Variants in CACNA1E observed in about 807,000 individuals in gnomAD.
CACNA1E encodes the protein calcium voltage-gated channel subunit alpha1 E, also known as voltage-dependent R-type calcium channel subunit alpha-1E.
CACNA1E carries 40 observed loss-of-function variants against 259.2 expected under a neutral mutation model. The observed-to-expected ratio is 0.15, with a 90% CI of 0.12 to 0.20. The LOEUF (loss-of-function observed/expected upper bound fraction) is 0.20, where lower values mean the gene tolerates loss of function less well. Ranked by LOEUF, CACNA1E falls within the 10% of genes least tolerant of loss-of-function variation. The pLI is 1.00. For synonymous variants in CACNA1E, 1,104 were observed against 1,138.5 expected (o/e 0.97, Z 0.61); for missense variants, 1,874 against 3,040.1 (o/e 0.62, Z 9.02).
intron 3 of CACNA1E, among the ~76,000 whole-genome samples, chr1:181,522,859 C>A (rs1572095131): frequency 6.6e-6 from 1 of 152,238 alleles, no homozygotes; most frequent in Middle Eastern, 3.2e-3. Flanking sequence ...TTCTCCTGCC[C>A]ACTTCCATCC....
At chr1:181,545,616 G>A (rs1306649633) in intron 3 of CACNA1E, among the ~76,000 whole-genome samples, 1 of 152,194 alleles carries the variant, frequency 6.6e-6, no homozygotes, top group Non-Finnish European at 1.5e-5. Context: ...CAAGAAGCTG[G>A]AGGATAGAAT....
chr1:181,357,053 T>C (rs1653503437), intron 1 of CACNA1E, among the ~76,000 whole-genome samples: 1 of 152,092 alleles, frequency 6.6e-6, no homozygotes, highest in Non-Finnish European at 1.5e-5. Flanking sequence ...CCTCTTCTCC[T>C]TTTTAGCAGC....
chr1:181,407,187 A>G (rs770049152), intron 1 of CACNA1E, among the ~76,000 whole-genome samples: 11 of 152,270 alleles, frequency 7.2e-5, no homozygotes, highest in Middle Eastern at 6.8e-3. Context: ...TCACCATAAC[A>G]ACATAGGCAC....
At chr1:181,591,867 A>G (rs1652683933) in intron 6 of CACNA1E, among the ~76,000 whole-genome samples, 1 of 152,246 alleles carries the variant, frequency 6.6e-6, no homozygotes, top group Admixed American at 6.5e-5. Context: ...TCTGGCACAT[A>G]GCACTCATGT....
chr1:181,740,751 C>G (rs912822826), intron 25 of CACNA1E, among the ~76,000 whole-genome samples: 1 of 152,174 alleles, frequency 6.6e-6, no homozygotes, highest in Non-Finnish European at 1.5e-5. Context: ...CATGTTAATT[C>G]CATTGTGTGC....
chr1:181,406,978 A>C (rs527597343), intron 1 of CACNA1E, among the ~76,000 whole-genome samples: 1 of 152,208 alleles, frequency 6.6e-6, no homozygotes, highest in Admixed American at 6.5e-5. Context: ...AGGTTGCTTG[A>C]CTAGCAAGTG....
In CACNA1E at chr1:181,378,239, C is replaced by T. The variant is rs530515117; in HGVS notation, c.-14-34894C>T. Among the ~76,000 whole-genome samples, 3 of 152,260 alleles carry T rather than the reference C, an allele frequency of 2.0e-5. No individual in the cohort carries two copies. In the South Asian group the frequency reaches 6.2e-4, roughly 32 times the overall value. On this transcript the variant is annotated intron_variant, in intron 1 of 11. Coordinates refer to the CACNA1E transcript ENST00000524607. ...TCTGGCCAAGATGGAGCAAAAAGGA[C>T]CATATTGAACTTCCCACCTGAAATA...
chr1:181,682,218 C>T (rs901207595), intron 7 of CACNA1E, among the ~76,000 whole-genome samples: 1 of 152,136 alleles, frequency 6.6e-6, no homozygotes, highest in Non-Finnish European at 1.5e-5. Flanking sequence ...ACTGGGACCC[C>T]GTGTGACCAT....
chr1:181,710,915 C>G lies in CACNA1E; in HGVS notation c.1056-39C>G. Reference sequence around the variant, plus strand: ...TTCACTCTTTCCCTTAGTCATGGCCCTGTCCAAACCCAGTGAATCTTATCC... The same window carrying G: ...TTCACTCTTTCCCTTAGTCATGGCCGTGTCCAAACCCAGTGAATCTTATCC... On this transcript the variant is annotated intron_variant, in intron 7 of 47. Transcript: ENST00000367573. 3 of 1,411,362 alleles carry G rather than the reference C, an allele frequency of 2.1e-6. No individual in the cohort carries two copies. In the East Asian group the frequency reaches 6.8e-5, roughly 32 times the overall value. The allele number at this position is 1,411,362 out of a possible 1,614,324, so 87.4% of individuals were successfully genotyped here.
intron 1 of CACNA1E, among the ~76,000 whole-genome samples, chr1:181,506,400 C>A (rs1197430440): frequency 2.0e-5 from 3 of 152,146 alleles, no homozygotes; most frequent in African/African-American, 7.2e-5. Flanking sequence ...TGAGCAGGAG[C>A]CATGGCTCAG....
At chr1:181,504,013 A>G (rs1013039246) in intron 1 of CACNA1E, among the ~76,000 whole-genome samples, 1 of 152,220 alleles carries the variant, frequency 6.6e-6, no homozygotes, top group African/African-American at 2.4e-5. Context: ...CAGACTAGTT[A>G]AGGCTCTTTC....
At chr1:181,348,512 T>C (rs1203887241) in intron 1 of CACNA1E, among the ~76,000 whole-genome samples, 2 of 152,260 alleles carry the variant, frequency 1.3e-5, no homozygotes, top group East Asian at 3.9e-4. Flanking sequence ...GTGATGAGCC[T>C]TGATACAAGC....
At position 181,779,571 on chromosome 1, in the gene CACNA1E, C is replaced by T. The variant is rs767215012; in HGVS notation, c.5268-1856C>T. Reference sequence around the variant, plus strand: ...CTCCCAGTCCCCAGCCATGATCTGCCGTGGGATGCAACATCTAACCCCTCC... The same window carrying T: ...CTCCCAGTCCCCAGCCATGATCTGCTGTGGGATGCAACATCTAACCCCTCC... On this transcript the variant is annotated intron_variant, in intron 38 of 47. Transcript: ENST00000367573. The T allele has an allele frequency of 3.8e-5, 16 of 426,560 alleles. 1 individual carries two copies. The highest frequency in any genetic ancestry group is 1.0e-4 in the South Asian group (6 of 59,122). The allele number at this position is 426,560 out of a possible 1,614,324, so 26.4% of individuals were successfully genotyped here. A position where few individuals can be genotyped will look rare whatever the true frequency, so the allele number is the denominator to read the frequency against.
Position 181,798,639 on chromosome 1 carries a change from G to A in CACNA1E, c.6747G>A (p.Thr2249=), listed in dbSNP as rs775977638. 3.1e-6 allele frequency: 5 copies of A among 1,610,550 alleles called. No homozygotes were observed. The highest frequency in any genetic ancestry group is 4.2e-6 in the Non-Finnish European group (5 of 1,177,794). ...SHASDCGEEE[T]LTFEAAVATS... ...CCTCAGACTGTGGTGAGGAGGAGAC[G>A]CTCACTTTCGAAGCAGCCGTGGCTA... Residue 2249 remains threonine (T), a synonymous_variant, in exon 48 of 48, where the codon ACG becomes ACA. Transcript: ENST00000367573. This position sits in a 1 kb window ranked among gnomAD's most constrained non-coding sequence, Gnocchi z 4.2.
chr1:181,473,338 C>CT (rs142351027), intron 2 of CACNA1E, among the ~76,000 whole-genome samples: 69 of 152,274 alleles, frequency 4.5e-4, no homozygotes, highest in African/African-American at 1.5e-3. Flanking sequence ...TAAAACCATG[C>CT]TAATTATGCA....
chr1:181,733,636 G>C lies in CACNA1E; in HGVS notation c.3148G>C (p.Glu1050Gln). 6.2e-7 allele frequency: 1 copy of C among 1,613,074 alleles called. No individual in the cohort carries two copies. Among genetic ancestry groups the C allele is most frequent in the South Asian group, 1.1e-5 (1 of 90,812 alleles). ...CATGGGCCGGGTCATCAGCCAGAGC[G>C]AGCCTGACCTCTCCTGCATCACGGC... Reference protein sequence around the residue: ...LDMGRVISQSEPDLSCITANT... With the variant: ...LDMGRVISQSQPDLSCITANT... Residue 1050 changes from glutamate to glutamine, a missense_variant, in exon 21 of 48, where the codon GAG (glutamate) becomes CAG (glutamine). Physicochemically the swap from Glu to Gln is conservative, Grantham distance 29. Around this residue, in one of 14 missense-constraint regions of CACNA1E, gnomAD observed 476 missense variants for 514.0 expected, o/e 0.93. Transcript: ENST00000367573.
intron 1 of CACNA1E, among the ~76,000 whole-genome samples, chr1:181,325,633 T>C (rs1469700879): frequency 7.6e-6 from 1 of 132,140 alleles, no homozygotes; most frequent in Non-Finnish European, 1.6e-5. Context: ...CAGAAACTAG[T>C]TTTTTATTTT....
chr1:181,417,323 T>C (rs1419424591), intron 2 of CACNA1E, among the ~76,000 whole-genome samples: 3 of 152,214 alleles, frequency 2.0e-5, no homozygotes, highest in Non-Finnish European at 2.9e-5. Context: ...CTCAAGCTCT[T>C]TCTTCTACCA....
chr1:181,383,541 C>T (rs1655618349), intron 1 of CACNA1E, among the ~76,000 whole-genome samples: 1 of 152,172 alleles, frequency 6.6e-6, no homozygotes, highest in Non-Finnish European at 1.5e-5. Context: ...TGAGCAGGAG[C>T]CTGACCACCA....
Sources: allele counts gnomAD v4.1 joint callset (sites outside exome capture counted in the v4.1 genomes callset), GRCh38; gene constraint gnomAD v4.1.1; regional missense constraint gnomAD v4.1.1; non-coding constraint Gnocchi (gnomAD v3.1); transcripts MANE v1.5; gene names NCBI Gene and HGNC (gene_info 2026-07-23, HGNC 2026-07-21).